The following NPAS3 variants were observed in gnomAD, a reference collection of about 807,000 sequenced individuals.
The protein encoded by NPAS3 is neuronal PAS domain protein 3.
A neutral mutation model predicts 73.1 loss-of-function variants in NPAS3; 14 were observed. The ratio of observed to expected loss-of-function variants is 0.19; its 90% confidence interval spans 0.13 to 0.30. NPAS3 has a LOEUF of 0.30. Ranked by LOEUF, NPAS3 falls within the 10% of genes least tolerant of loss-of-function variation. The probability of loss-of-function intolerance (pLI) is 1.00; values close to 1 mark genes in which losing one functional copy is unlikely to be tolerated. For synonymous variants in NPAS3, 620 were observed against 541.5 expected (o/e 1.14, Z -2.01); for missense variants, 1,096 against 1,250.0 (o/e 0.88, Z 1.86).
intron 8 of NPAS3, among the ~76,000 whole-genome samples, chr14:33,777,769 C>A (rs1163588530): frequency 3.3e-5 from 5 of 152,182 alleles, no homozygotes; most frequent in African/African-American, 1.2e-4. Flanking sequence ...GACGTCTGGA[C>A]AGTCAGTGAC....
In NPAS3 at chr14:33,572,972, G is replaced by A. The variant is rs959058312; in HGVS notation, c.558+12762G>A. On this transcript the variant is annotated intron_variant, in intron 5 of 11. Coordinates refer to ENST00000356141, the Ensembl canonical transcript of NPAS3. ...CGGGAAGCGGAGGTTGCAGTGAGCC[G>A]AGATCACGCCACTGCACTCCAGCCT... Among the ~76,000 whole-genome samples the A allele has an allele frequency of 7.9e-5, 11 of 138,852 alleles. No individual in the cohort carries two copies. The South Asian group carries it at 1.2e-3, about 15-fold the overall frequency. 91.1% of individuals were successfully genotyped at this position (138,852 alleles called of 152,430 possible).
intron 4 of NPAS3, among the ~76,000 whole-genome samples, chr14:33,391,957 G>A (rs922476806): frequency 6.6e-6 from 1 of 152,154 alleles, no homozygotes; most frequent in African/African-American, 2.4e-5. Flanking sequence ...TCCCCTTACT[G>A]AATAAATATA....
chr14:32,977,404 A>G (rs1595137075), intron 1 of NPAS3, among the ~76,000 whole-genome samples: 1 of 134,974 alleles, frequency 7.4e-6, no homozygotes, highest in Non-Finnish European at 1.6e-5. Flanking sequence ...TATTTAATGG[A>G]ATTGTAAATA....
At chr14:32,982,066 G>A (rs182892386) in intron 1 of NPAS3, among the ~76,000 whole-genome samples, 90 of 152,272 alleles carry the variant, frequency 5.9e-4, no homozygotes, top group Non-Finnish European at 9.0e-4. Context: ...GAATACCACA[G>A]ACTGGGTAAT....
intron 1 of NPAS3, among the ~76,000 whole-genome samples, chr14:32,985,700 A>G (rs2038069037): frequency 6.6e-6 from 1 of 152,204 alleles, no homozygotes; most frequent in Admixed American, 6.5e-5. Flanking sequence ...AAGCAGAAAA[A>G]AAGATTTCAG....
At chr14:33,713,285 T>C (rs2060872860) in intron 6 of NPAS3, among the ~76,000 whole-genome samples, 2 of 152,234 alleles carry the variant, frequency 1.3e-5, no homozygotes, top group Admixed American at 1.3e-4. Flanking sequence ...GTTCCTTCCA[T>C]CGTGCTACTC....
At chr14:33,060,889 A>G (rs964661001) in intron 2 of NPAS3, among the ~76,000 whole-genome samples, 4 of 152,198 alleles carry the variant, frequency 2.6e-5, no homozygotes, top group African/African-American at 9.6e-5. Flanking sequence ...GGCTAGAGGA[A>G]AGTTTCTTTC....
chr14:33,365,069 C>T (rs937758668), intron 3 of NPAS3, among the ~76,000 whole-genome samples: 1 of 151,110 alleles, frequency 6.6e-6, no homozygotes, highest in Non-Finnish European at 1.5e-5. Context: ...CCTGAAGTGC[C>T]CCCCCAAATT....
chr14:33,325,549 G>A (rs916823368), intron 3 of NPAS3, among the ~76,000 whole-genome samples: 6 of 151,738 alleles, frequency 4.0e-5, no homozygotes, highest in African/African-American at 1.5e-4. Context: ...AGGAGGCCAA[G>A]GCAGGAGAAT....
At chr14:33,370,352 A>G (rs1006848582) in intron 4 of NPAS3, among the ~76,000 whole-genome samples, 9 of 152,204 alleles carry the variant, frequency 5.9e-5, no homozygotes, top group African/African-American at 2.2e-4. Context: ...AGAAAAGGGA[A>G]GAATATTCCA....
At chr14:33,459,309 T>C (rs2050154670) in intron 4 of NPAS3, among the ~76,000 whole-genome samples, 1 of 152,236 alleles carries the variant, frequency 6.6e-6, no homozygotes, top group African/African-American at 2.4e-5. Flanking sequence ...ACCCAGCTAC[T>C]ATTCGAGATG....
chr14:33,514,468 A>G (rs1021547678), intron 4 of NPAS3, among the ~76,000 whole-genome samples: 2 of 152,030 alleles, frequency 1.3e-5, no homozygotes, highest in African/African-American at 4.8e-5. Context: ...GTGATGCCCA[A>G]ATTGGTTGCG....
intron 5 of NPAS3, chr14:33,612,383 TTG>T (rs1173528809): frequency 2.2e-6 from 1 of 455,886 alleles, no homozygotes; most frequent in Admixed American, 2.3e-5. Flanking sequence ...CTGAAACCTG[TTG>T]TCTTTTCTAC....
At chr14:33,636,995 A>C (rs535502013) in intron 5 of NPAS3, among the ~76,000 whole-genome samples, 1 of 152,236 alleles carries the variant, frequency 6.6e-6, no homozygotes, top group East Asian at 1.9e-4. Flanking sequence ...TGTTACATCT[A>C]TCTTTGTTTT....
intron 1 of NPAS3, among the ~76,000 whole-genome samples, chr14:32,944,938 G>A (rs1424757975): frequency 6.6e-6 from 1 of 152,170 alleles, no homozygotes; most frequent in Non-Finnish European, 1.5e-5. Context: ...GCCCTAGACT[G>A]TAATGATTGA....
intron 4 of NPAS3, among the ~76,000 whole-genome samples, chr14:33,533,996 C>G (rs576302013): frequency 6.6e-6 from 1 of 152,092 alleles, no homozygotes; most frequent in South Asian, 2.1e-4. Context: ...ATACTCTTTA[C>G]CTTAAAAATG....
At chr14:33,438,867 ATTTTTGCTTCTG>A (rs897766711) in intron 4 of NPAS3, among the ~76,000 whole-genome samples, 1 of 152,154 alleles carries the variant, frequency 6.6e-6, no homozygotes, top group African/African-American at 2.4e-5. Context: ...AAATGCTTCT[ATTTTTGCTTCTG>A]TATGACATCT....
At chr14:32,983,240 A>T (rs1172993140) in intron 1 of NPAS3, among the ~76,000 whole-genome samples, 1 of 152,192 alleles carries the variant, frequency 6.6e-6, no homozygotes, top group Non-Finnish European at 1.5e-5. Flanking sequence ...TAGGGTTTAC[A>T]TCCCTGAAAA....
chr14:33,290,599 G>T (rs1035964164), intron 3 of NPAS3, among the ~76,000 whole-genome samples: 2 of 152,182 alleles, frequency 1.3e-5, no homozygotes, highest in African/African-American at 4.8e-5. Context: ...CCTGTCAATT[G>T]TATAATCAAC....
Sources: gnomAD v4.1 joint callset for allele counts (sites outside exome capture counted in the v4.1 genomes callset) on GRCh38, gnomAD v4.1.1 for gene constraint, MANE v1.5 for transcripts, NCBI Gene and HGNC (gene_info 2026-07-23, HGNC 2026-07-21) for gene names.